Variants in ABCA4 observed in about 807,000 individuals in gnomAD.
The protein encoded by ABCA4 is ATP binding cassette subfamily A member 4.
In ABCA4, 196 loss-of-function variants were observed where a neutral mutation model predicts 263.7. That is an observed-to-expected ratio of 0.74 (90% confidence interval 0.66 to 0.84). ABCA4 has a LOEUF of 0.84. Ranked by LOEUF, ABCA4 falls within the 40% of genes least tolerant of loss-of-function variation. The probability of loss-of-function intolerance (pLI) is 0.00; values close to 1 mark genes in which losing one functional copy is unlikely to be tolerated. For synonymous variants in ABCA4, 1,133 were observed against 1,094.2 expected (o/e 1.04, Z -0.70); for missense variants, 2,792 against 2,855.1 (o/e 0.98, Z 0.50).
chr1:94,019,702 G>A lies in ABCA4; in HGVS notation c.5076C>T (p.Phe1692=), dbSNP rs148351929. The change falls in exon 36 of 50, where the codon TTC becomes TTT. Residue 1692 remains phenylalanine, a synonymous_variant. Transcript: ENST00000370225. ...AATAAAGGACAAAGCTGGCTGGGAC[G>A]AAGGACATGGAGAAAATCACGCAGA... ...VAICVIFSMS[F]VPASFVLYLI... is the part of the protein sequence containing the mutation. 117 of 1,613,742 alleles carry A rather than the reference G, an allele frequency of 7.3e-5. No individual in the cohort carries two copies. Among genetic ancestry groups the A allele is most frequent in the African/African-American group, 9.3e-5 (7 of 75,030 alleles).
intron 23 of ABCA4, among the ~76,000 whole-genome samples, chr1:94,040,976 T>C (rs533229011): frequency 6.6e-6 from 1 of 152,378 alleles, no homozygotes; most frequent in East Asian, 1.9e-4. Flanking sequence ...GTGTGTAATC[T>C]GGCATGTAAT....
chr1:94,007,778 C>A (rs1444575140), intron 42 of ABCA4, 38 bp from the exon 43 acceptor site: 16 of 1,573,486 alleles, frequency 1.0e-5, no homozygotes, highest in Non-Finnish European at 1.4e-5. Flanking sequence ...CCCTAGAGAT[C>A]AAGAAGGTCT....
chr1:94,085,464 C>T (rs2101114956), intron 6 of ABCA4, among the ~76,000 whole-genome samples: 1 of 152,300 alleles, frequency 6.6e-6, no homozygotes, highest in Non-Finnish European at 1.5e-5. Flanking sequence ...TGTTCTTCCT[C>T]TCTAGGACTA....
In ABCA4 at chr1:94,108,688, C is replaced by T; in HGVS notation, c.331G>A (p.Glu111Lys). 1 of 1,613,990 alleles carries T rather than the reference C, an allele frequency of 6.2e-7. No individual in the cohort carries two copies. Among genetic ancestry groups the T allele is most frequent in the Non-Finnish European group, 8.5e-7 (1 of 1,179,998 alleles). ...CTCTCTGGTGCATTCATGAGGAGTTCTTGAAAATCTCGATATACCCTTGCC... is the reference window on the plus strand; with the variant it reads ...CTCTCTGGTGCATTCATGAGGAGTTTTTGAAAATCTCGATATACCCTTGCC... ...ILARVYRDFQ[E>K]LLMNAPESQH... Residue 111 changes from glutamate (E) to lysine (K), a missense_variant, in exon 4 of 50, where the codon GAA becomes AAA. By Grantham distance (56) the Glu-to-Lys change is moderately conservative (BLOSUM62 1). Transcript: ENST00000370225.
intron 7 of ABCA4, among the ~76,000 whole-genome samples, chr1:94,082,444 T>C (rs1661726006): frequency 6.6e-6 from 1 of 152,216 alleles, no homozygotes; most frequent in Non-Finnish European, 1.5e-5. Context: ...TGTAGTGATA[T>C]AAATTTTTTT....
chr1:94,055,439 G>T (rs1660949492), intron 15 of ABCA4, 124 bp from the exon 16 acceptor site: 1 of 918,708 alleles, frequency 1.1e-6, no homozygotes, highest in South Asian at 1.5e-5. Flanking sequence ...TCAGTGTAAG[G>T]TCAGCTCAGG....
rs141194649 is a variant in ABCA4, at chr1:94,002,866, T to A, written c.6148-874A>T. 1.3e-3 allele frequency among the ~76,000 whole-genome samples: 193 copies of A among 149,824 alleles called. 4 individuals are homozygous for A. The East Asian group carries it at 0.029, about 22-fold the overall frequency. ...GATATTTTACCTATTTATCTACAGA[T>A]CGTCTATCCCTCCCACTAGAATGTA... On this transcript the variant is annotated intron_variant, in intron 44 of 49. Transcript: ENST00000370225.
At chr1:94,008,374 A>G (rs1659456114) in intron 41 of ABCA4, 77 bp from the exon 42 acceptor site, 4 of 1,426,314 alleles carry the variant, frequency 2.8e-6, no homozygotes, top group Non-Finnish European at 4.0e-6. Context: ...CAAAGAGCAA[A>G]GGATGGTTTA....
At chr1:94,062,989 TA>T in intron 12 of ABCA4, 122 bp downstream of exon 12, 1 of 1,129,094 alleles carries the variant, frequency 8.9e-7, no homozygotes, top group Non-Finnish European at 1.3e-6. Context: ...TAAAATATCT[TA>T]TTTTTTCTTA....
At chr1:94,004,715 CA>C (rs1659323518) in intron 44 of ABCA4, among the ~76,000 whole-genome samples, 1 of 152,152 alleles carries the variant, frequency 6.6e-6, no homozygotes, top group Non-Finnish European at 1.5e-5. Flanking sequence ...AACATGCTTC[CA>C]AAAATTAAAA....
intron 18 of ABCA4, 119 bp downstream of exon 18, chr1:94,048,749 G>T: frequency 1.1e-6 from 1 of 942,130 alleles, no homozygotes; most frequent in Non-Finnish European, 1.7e-6. Context: ...CTTGTCCACA[G>T]AGAGAGTCAG....
intron 1 of ABCA4, among the ~76,000 whole-genome samples, chr1:94,120,733 G>T (rs554525368): frequency 6.6e-6 from 1 of 152,130 alleles, no homozygotes; most frequent in South Asian, 2.1e-4. Context: ...TGACAGGCAC[G>T]GTAGGCAAAA....
Position 94,031,622 on chromosome 1 carries a change from G to A in ABCA4, c.4128+156C>T, listed in dbSNP as rs4147841. On this transcript the variant is annotated intron_variant, in intron 27 of 49. Coordinates refer to ENST00000370225, the MANE Select transcript of ABCA4 (RefSeq NM_000350.3). ...GAAGATTCATGTTACCAAGAATCAA[G>A]ATAAGGGTTTGGAAAGCAGGAAACA... is the stretch of plus-strand genomic sequence containing the variant. Among the ~76,000 whole-genome samples the A allele has an allele frequency of 0.55, 84,046 of 152,038 alleles. 23,523 individuals carry two copies. Among genetic ancestry groups the A allele is most frequent in the Middle Eastern group, 0.62 (181 of 292 alleles).
intron 47 of ABCA4, 147 bp downstream of exon 47, chr1:94,000,689 T>C: frequency 1.2e-6 from 1 of 844,256 alleles, no homozygotes; most frequent in Middle Eastern, 2.6e-4. Flanking sequence ...CTTCTCCATC[T>C]GCTGCTGGAG....
At chr1:94,111,988 G>A (rs1008736445) in intron 2 of ABCA4, among the ~76,000 whole-genome samples, 2 of 152,226 alleles carry the variant, frequency 1.3e-5, no homozygotes, top group Non-Finnish European at 2.9e-5. Context: ...GCATGCAGTA[G>A]GGCTGCAGGT....
chr1:94,032,643 C>T (rs1419047754), intron 26 of ABCA4, among the ~76,000 whole-genome samples: 1 of 151,854 alleles, frequency 6.6e-6, no homozygotes, highest in Non-Finnish European at 1.5e-5. Flanking sequence ...TCAAACAGCA[C>T]AAAGAAAACC....
At chr1:94,008,985 C>G (rs1415285387) in intron 40 of ABCA4, 114 bp from the exon 41 acceptor site, 1 of 1,460,534 alleles carries the variant, frequency 6.8e-7, no homozygotes, top group Non-Finnish European at 9.3e-7. Context: ...GGGCTTCCAT[C>G]CTTTAAGACT....
At chr1:94,073,909 A>G (rs1421830044) in intron 11 of ABCA4, among the ~76,000 whole-genome samples, 1 of 152,112 alleles carries the variant, frequency 6.6e-6, no homozygotes, top group Non-Finnish European at 1.5e-5. Context: ...TCCTCCGTCC[A>G]CACCCCCTCG....
intron 5 of ABCA4, 104 bp downstream of exon 5, chr1:94,102,911 G>A: frequency 6.6e-7 from 1 of 1,512,376 alleles, no homozygotes; most frequent in Non-Finnish European, 9.1e-7. Context: ...TTCTGAATGT[G>A]AACACAAGGA....
Sources: allele counts gnomAD v4.1 joint callset (sites outside exome capture counted in the v4.1 genomes callset), GRCh38; gene constraint gnomAD v4.1.1; transcripts MANE v1.5; gene names NCBI Gene and HGNC (gene_info 2026-07-23, HGNC 2026-07-21).